Variants in STX6 observed in about 807,000 individuals in gnomAD.
The protein encoded by STX6 is syntaxin 6.
A neutral mutation model predicts 38.0 loss-of-function variants in STX6; 23 were observed. The ratio of observed to expected loss-of-function variants is 0.60; its 90% CI spans 0.43 to 0.86. STX6 has a LOEUF of 0.86. Among genes scored for constraint, STX6 ranks in the 40% least tolerant of loss-of-function variants. STX6 has a pLI of 0.00. For missense variants in STX6, 274 were observed against 312.9 expected (o/e 0.88, Z 0.94); for synonymous variants, 123 against 107.5 (o/e 1.14, Z -0.89).
At chr1:181,020,001 A>G (rs1197609978) in intron 1 of STX6, among the ~76,000 whole-genome samples, 5 of 152,140 alleles carry the variant, frequency 3.3e-5, no homozygotes, top group African/African-American at 1.2e-4. Context: ...TCTCTACTAA[A>G]AAATACAAAA....
chr1:181,005,219 C>A lies in STX6; in HGVS notation c.205+75G>T, dbSNP rs563870530. The A allele has an allele frequency of 3.4e-5, 52 of 1,543,374 alleles. No homozygotes were observed. The East Asian group carries it at 1.1e-3, about 33-fold the overall frequency. On this transcript the variant is annotated intron_variant, in intron 2 of 7. Coordinates refer to ENST00000258301, the MANE Select transcript of STX6 (RefSeq NM_005819.6). ...GATTATAAAATGTTTCATCTACATA[C>A]TGGAAACAACTGGAGAAAAACTTGT...
intron 6 of STX6, 24 bp downstream of exon 6, chr1:180,988,215 C>T (rs369399759): frequency 1.2e-5 from 19 of 1,569,718 alleles, no homozygotes; most frequent in Admixed American, 5.0e-5. Flanking sequence ...TTCACTGAAG[C>T]GAGAGGGGTG....
intron 1 of STX6, among the ~76,000 whole-genome samples, chr1:181,016,610 A>G (rs1203089798): frequency 1.3e-5 from 2 of 152,232 alleles, no homozygotes; most frequent in Non-Finnish European, 2.9e-5. Flanking sequence ...GACTATACCA[A>G]TACAGTTTTT....
In STX6 at chr1:180,975,620, C is replaced by T. The variant is rs1308568894; in HGVS notation, c.*950G>A. ...TGTACTAACCACTCCCAACCCCAAC[C>T]CCCAGTGTAGAGTGCCCTAAGAGTA... On this transcript the variant is annotated 3_prime_UTR_variant, in exon 8 of 8. Transcript: ENST00000258301. 1 of 152,270 alleles carries T rather than the reference C, an allele frequency of 6.6e-6. No individual in the cohort carries two copies. Among genetic ancestry groups the T allele is most frequent in the Non-Finnish European group, 1.5e-5 (1 of 68,050 alleles). 9.4% of individuals were successfully genotyped at this position (152,270 alleles called of 1,614,324 possible).
In STX6 at chr1:180,993,411, C is replaced by A. The variant is rs1655809860; in HGVS notation, c.315G>T (p.Gln105His). 1 of 1,596,968 alleles carries A rather than the reference C, an allele frequency of 6.3e-7. No individual in the cohort carries two copies. The highest frequency in any genetic ancestry group is 1.3e-5 in the African/African-American group (1 of 74,706). Residue 105 changes from glutamine to histidine, a missense_variant, in exon 4 of 8, where the codon CAG becomes CAT. By Grantham distance (24) the Gln-to-His change is conservative (BLOSUM62 0). Coordinates refer to ENST00000258301, the MANE Select transcript of STX6 (RefSeq NM_005819.6). ...ATGCCTGCACAGATGAAGTTGACAT[C>A]TGATCTTTCATGTCCTAATGAGAAA... ...TRQVVRDMKD[Q>H]MSTSSVQALA...
chr1:180,976,327 G>A lies in STX6; in HGVS notation c.*243C>T, dbSNP rs1003112212. 6.1e-5 allele frequency: 30 copies of A among 494,344 alleles called. No homozygotes were observed. Among genetic ancestry groups the A allele is most frequent in the African/African-American group, 2.9e-4 (15 of 51,898 alleles). 30.6% of individuals were successfully genotyped at this position (494,344 alleles called of 1,614,324 possible). A position where few individuals can be genotyped will look rare whatever the true frequency, so the allele number is the denominator to read the frequency against. On this transcript the variant is annotated 3_prime_UTR_variant, in exon 8 of 8. Transcript: ENST00000258301. ...TAGTTCTCCTCCGAACTGGACAGGC[G>A]GCATGGGGCTTCTGTTGTCCAGCTG...
At chr1:181,007,717 T>C (rs1334593069) in intron 1 of STX6, among the ~76,000 whole-genome samples, 1 of 152,170 alleles carries the variant, frequency 6.6e-6, no homozygotes, top group Non-Finnish European at 1.5e-5. Flanking sequence ...TCCTTTGAAC[T>C]CTTCAAAATT....
chr1:181,022,600 C>T, intron 1 of STX6, 39 bp downstream of exon 1: 1 of 1,596,994 alleles, frequency 6.3e-7, no homozygotes. Flanking sequence ...GGCAGCACCG[C>T]CACCTCTTCC....
At chr1:181,005,929 C>A (rs958513702) in intron 1 of STX6, among the ~76,000 whole-genome samples, 1 of 152,034 alleles carries the variant, frequency 6.6e-6, no homozygotes, top group African/African-American at 2.4e-5. Flanking sequence ...TACATAGCTA[C>A]CATTTTATTA....
chr1:180,975,066 A>C lies in STX6; in HGVS notation c.*1504T>G, dbSNP rs1655210866. The C allele has an allele frequency of 6.6e-6, 1 of 152,614 alleles. No homozygotes were observed. Among genetic ancestry groups the C allele is most frequent in the African/African-American group, 2.4e-5 (1 of 41,460 alleles). The allele number at this position is 152,614 out of a possible 1,614,324, so 9.5% of individuals were successfully genotyped here. On this transcript the variant is annotated 3_prime_UTR_variant, in exon 8 of 8. Transcript: ENST00000258301. ...AAAGGGTGAAAAAACCAAAACCCCCAAATAAAACCACATGAAATACAAACA... is the reference window on the plus strand; with the variant it reads ...AAAGGGTGAAAAAACCAAAACCCCCCAATAAAACCACATGAAATACAAACA...
chr1:181,000,904 A>T (rs1656061954), intron 3 of STX6, among the ~76,000 whole-genome samples: 1 of 151,866 alleles, frequency 6.6e-6, no homozygotes, highest in African/African-American at 2.4e-5. Context: ...GCTTATACAA[A>T]ATAATTGGGG....
intron 4 of STX6, among the ~76,000 whole-genome samples, chr1:180,991,879 C>T (rs2102310566): frequency 6.6e-6 from 1 of 150,804 alleles, no homozygotes; most frequent in East Asian, 1.9e-4. Context: ...CAAGCCATAA[C>T]TAGATAGGCA....
At chr1:181,022,190 G>C (rs1287964323) in intron 1 of STX6, among the ~76,000 whole-genome samples, 1 of 152,010 alleles carries the variant, frequency 6.6e-6, no homozygotes, top group African/African-American at 2.4e-5. Flanking sequence ...AAACTCAATG[G>C]ACAATGGAGC....
Position 181,022,571 on chromosome 1 carries a change from G to A in STX6, c.35+68C>T, listed in dbSNP as rs575116924. The A allele has an allele frequency of 1.4e-5, 22 of 1,521,550 alleles. No individual in the cohort carries two copies. The South Asian group carries it at 2.0e-4, about 14-fold the overall frequency. The allele number at this position is 1,521,550 out of a possible 1,614,324, so 94.3% of individuals were successfully genotyped here. A position where few individuals can be genotyped will look rare whatever the true frequency, so the allele number is the denominator to read the frequency against. ...GCCTCCCCTCCCCCCACTGCGAGAA[G>A]ACCTAGGAGGTGCGGGCAGGCAGCA... On this transcript the variant is annotated intron_variant, in intron 1 of 7. Coordinates refer to ENST00000258301, the MANE Select transcript of STX6 (RefSeq NM_005819.6).
intron 1 of STX6, among the ~76,000 whole-genome samples, chr1:181,008,373 T>A (rs1349108973): frequency 6.6e-6 from 1 of 152,186 alleles, no homozygotes; most frequent in African/African-American, 2.4e-5. Flanking sequence ...ATTGGCATTG[T>A]ACTTACCAGT....
chr1:181,005,289 G>C lies in STX6; in HGVS notation c.205+5C>G, dbSNP rs199727291. On this transcript the variant is annotated splice_donor_5th_base_variant and intron_variant, in intron 2 of 7. Coordinates refer to ENST00000258301, the MANE Select transcript of STX6 (RefSeq NM_005819.6). ...GAATGGCACAGACACCACAGAAAAG[G>C]ATATTGATGGTTTCATCAAGGTCCT... The C allele has an allele frequency of 6.2e-7, 1 of 1,612,786 alleles. No individual in the cohort carries two copies. Among genetic ancestry groups the C allele is most frequent in the Non-Finnish European group, 8.5e-7 (1 of 1,179,234 alleles).
intron 7 of STX6, among the ~76,000 whole-genome samples, chr1:180,979,069 G>T (rs1655331638): frequency 6.6e-6 from 1 of 152,126 alleles, no homozygotes; most frequent in Admixed American, 6.6e-5. Flanking sequence ...TAAACAACAT[G>T]CAAGAACACA....
Position 181,022,659 on chromosome 1 carries a change from G to A in STX6, c.15C>T (p.Asp5=), listed in dbSNP as rs951939418. The A allele has an allele frequency of 2.5e-6, 4 of 1,610,440 alleles. No individual in the cohort carries two copies. The highest frequency in any genetic ancestry group is 2.2e-5 in the East Asian group (1 of 44,604). Residue 5 remains aspartate, a synonymous_variant, in exon 1 of 8, where the codon GAC becomes GAT. Coordinates refer to ENST00000258301, the MANE Select transcript of STX6 (RefSeq NM_005819.6). MSME[D]PFFVVKGEVQ... ...CTCACCCTTTCACCACAAAGAAGGG[G>A]TCCTCCATGGACATGGCGTCCCGGC...
intron 7 of STX6, among the ~76,000 whole-genome samples, chr1:180,982,217 C>T (rs1337897424): frequency 6.6e-6 from 1 of 152,126 alleles, no homozygotes; most frequent in Non-Finnish European, 1.5e-5. Context: ...CCTTTATGTA[C>T]AGGTTTGATT....
Sources: gnomAD v4.1 joint callset for allele counts (sites outside exome capture counted in the v4.1 genomes callset) on GRCh38, gnomAD v4.1.1 for gene constraint, MANE v1.5 for transcripts, NCBI Gene and HGNC (gene_info 2026-07-23, HGNC 2026-07-21) for gene names.